LLGL2: variants seen among roughly 807,000 people sequenced by gnomAD.
LLGL2 encodes the protein LLGL scribble cell polarity complex component 2.
LLGL2 carries 81 observed loss-of-function variants against 123.2 expected under a neutral mutation model. That is an observed-to-expected ratio of 0.66 (90% confidence interval 0.55 to 0.79). LLGL2 has a LOEUF of 0.79. Among genes scored for constraint, LLGL2 ranks in the 30% least tolerant of loss-of-function variants. LLGL2 has a pLI of 0.00. For missense variants in LLGL2, 1,273 were observed against 1,414.6 expected (o/e 0.90, Z 1.61); for synonymous variants, 577 against 594.1 (o/e 0.97, Z 0.42).
At position 75,573,372 on chromosome 17, in the gene LLGL2, G is replaced by A. The variant is rs543814135; in HGVS notation, c.2725+94G>A. On this transcript the variant is annotated intron_variant, in intron 20 of 25. Transcript: ENST00000392550. ...TGTTGTGGCCACGGCCAGACTGGAT[G>A]GGCCTTAAGCGGAGAACTGCGAGGG... is the stretch of plus-strand genomic sequence containing the variant. 5.2e-5 allele frequency: 80 copies of A among 1,552,482 alleles called. No homozygotes were observed. The South Asian group carries it at 8.8e-4, about 17-fold the overall frequency.
chr17:75,542,659 G>C (rs191590797), intron 1 of LLGL2: 1 of 152,248 alleles, frequency 6.6e-6, no homozygotes, highest in Non-Finnish European at 1.5e-5. Flanking sequence ...ACTAGGGCCC[G>C]TGGGAAAGAG....
chr17:75,572,156 C>CT, intron 19 of LLGL2, 92 bp downstream of exon 19: 1 of 1,298,874 alleles, frequency 7.7e-7, no homozygotes, highest in Non-Finnish European at 1.1e-6. Context: ...GGGACTCAGT[C>CT]TTGTTTGCAG....
rs33986841 is a variant in LLGL2 at position 75,564,862 on chromosome 17, C to CA, written c.1036+372dup. 23,168 of 107,580 alleles carry CA rather than the reference C, an allele frequency of 0.22. 3,893 individuals are homozygous for CA. Among genetic ancestry groups the CA allele is most frequent in the African/African-American group, 0.47 (15,003 of 31,610 alleles). The allele number at this position is 107,580 out of a possible 1,614,324, so 6.7% of individuals were successfully genotyped here. A position where few individuals can be genotyped will look rare whatever the true frequency, so the allele number is the denominator to read the frequency against. On this transcript the variant is annotated intron_variant, in intron 10 of 25. Transcript: ENST00000392550. The surrounding 1 kb of genome is among the most constrained non-coding windows in gnomAD (Gnocchi z 4.9). ...TGGGTGACATAGCCAGACTGTGTCT[C>CA]AAAAAAAAAAAAAAAAAGGGCTCTG...
Position 75,573,468 on chromosome 17 carries a change from C to A in LLGL2, c.2726-13C>A, listed in dbSNP as rs747727520. 1 of 1,598,282 alleles carries A rather than the reference C, an allele frequency of 6.3e-7. No homozygotes were observed. Among genetic ancestry groups the A allele is most frequent in the African/African-American group, 1.3e-5 (1 of 74,746 alleles). ...CGCCAGGCCAGGCCGCTAGCATTGC[C>A]CCCACTCCCCAGGCTTCTACCTGAT... On this transcript the variant is annotated splice_polypyrimidine_tract_variant and intron_variant, in intron 20 of 25. Transcript: ENST00000392550.
intron 16 of LLGL2, 108 bp from the exon 17 acceptor site, chr17:75,570,842 T>C (rs2055673508): frequency 7.1e-7 from 1 of 1,401,744 alleles, no homozygotes; most frequent in South Asian, 1.4e-5. Context: ...GGCAGGTGGC[T>C]GGCATGGCTG....
chr17:75,569,801 CA>C (rs567857752), intron 14 of LLGL2, among the ~76,000 whole-genome samples, 161 bp from the exon 15 acceptor site: 7,988 of 130,536 alleles, frequency 0.061, 335 homozygotes, highest in African/African-American at 0.12. Context: ...AGACTTGTCT[CA>C]AAAAAAAAAA....
chr17:75,564,206 C>T lies in LLGL2; in HGVS notation c.882-147C>T. On this transcript the variant is annotated intron_variant, in intron 9 of 25. Coordinates refer to ENST00000392550, the MANE Select transcript of LLGL2 (RefSeq NM_001031803.2). This position sits in a 1 kb window ranked among gnomAD's most constrained non-coding sequence, Gnocchi z 4.9. ...TGCCCTCACCTTACCTCCAAGTCCTCCTGGGCTGTAGCAGTTGGAAGGAGA... is the reference window on the plus strand; with the variant it reads ...TGCCCTCACCTTACCTCCAAGTCCTTCTGGGCTGTAGCAGTTGGAAGGAGA... 7.0e-7 allele frequency: 1 copy of T among 1,435,754 alleles called. No homozygotes were observed. Among genetic ancestry groups the T allele is most frequent in the Non-Finnish European group, 9.2e-7 (1 of 1,090,492 alleles). The allele number at this position is 1,435,754 out of a possible 1,614,324, so 88.9% of individuals were successfully genotyped here.
intron 25 of LLGL2, 71 bp from the exon 26 acceptor site, chr17:75,574,800 G>A: frequency 6.2e-7 from 1 of 1,602,000 alleles, no homozygotes; most frequent in Non-Finnish European, 8.6e-7. Flanking sequence ...CCATGTCTGG[G>A]CTCAGCGTGG....
chr17:75,570,305 C>T, intron 15 of LLGL2, 43 bp from the exon 16 acceptor site: 1 of 1,606,330 alleles, frequency 6.2e-7, no homozygotes, highest in Non-Finnish European at 8.5e-7. Flanking sequence ...CCCGCGAGGA[C>T]TCCCAGGACC....
chr17:75,563,356 G>T lies in LLGL2; in HGVS notation c.719G>T (p.Arg240Leu). The T allele has an allele frequency of 6.2e-7, 1 of 1,612,778 alleles. No homozygotes were observed. Among genetic ancestry groups the T allele is most frequent in the Non-Finnish European group, 8.5e-7 (1 of 1,179,958 alleles). Residue 240 changes from arginine (R) to leucine (L), a missense_variant, in exon 8 of 26, where the codon CGG (arginine) becomes CTG (leucine). Arg to Leu is a moderately radical substitution (Grantham distance 102). Coordinates refer to ENST00000392550, the MANE Select transcript of LLGL2 (RefSeq NM_001031803.2). ...SQQLENIWWQRDGRLLVSCHS... is the reference protein window; with the variant it reads ...SQQLENIWWQLDGRLLVSCHS... ...CAACTGGAGAACATCTGGTGGCAGC[G>T]GGACGGCCGCCTGCTCGTCAGCTGT...
At chr17:75,529,792 C>T (rs1474359577) in intron 1 of LLGL2, among the ~76,000 whole-genome samples, 5 of 151,766 alleles carry the variant, frequency 3.3e-5, no homozygotes, top group Non-Finnish European at 4.4e-5. Flanking sequence ...ACCCAGGAGG[C>T]GGAGGTTGCA....
intron 2 of LLGL2, among the ~76,000 whole-genome samples, chr17:75,552,935 T>C (rs1213387764): frequency 2.6e-5 from 4 of 152,018 alleles, no homozygotes; most frequent in Admixed American, 1.3e-4. Context: ...TCCACCAGAG[T>C]CCTCCAAATT....
chr17:75,528,786 T>G (rs2053668221), intron 1 of LLGL2, among the ~76,000 whole-genome samples: 2 of 152,058 alleles, frequency 1.3e-5, no homozygotes, highest in South Asian at 4.2e-4. Context: ...AGGTGATCGC[T>G]GTTCATTTAA....
intron 1 of LLGL2, among the ~76,000 whole-genome samples, chr17:75,535,545 GC>G (rs1287724299): frequency 6.6e-5 from 10 of 152,262 alleles, no homozygotes; most frequent in Non-Finnish European, 1.5e-4. Context: ...CAGAGGGCTG[GC>G]TGGGCTTGGC....
In LLGL2 at chr17:75,559,263, G is replaced by T; in HGVS notation, c.383G>T (p.Ser128Ile). The change falls in exon 6 of 26, where the codon AGT becomes ATT. Residue 128 changes from serine to isoleucine, a missense_variant. Ser to Ile is a moderately radical substitution (Grantham distance 142). Transcript: ENST00000392550. The surrounding 1 kb of genome is among the most constrained non-coding windows in gnomAD (Gnocchi z 4.6). Reference sequence around the variant, plus strand: ...TGTTCTTGTCACAGGGCTGCCCCCAGTGCCACACAGATCACCGTGGTCCTG... The same window carrying T: ...TGTTCTTGTCACAGGGCTGCCCCCATTGCCACACAGATCACCGTGGTCCTG... ...TLRGPPGAAP[S>I]ATQITVVLPH... 6.2e-7 allele frequency: 1 copy of T among 1,608,064 alleles called. No homozygotes were observed. The highest frequency in any genetic ancestry group is 8.5e-7 in the Non-Finnish European group (1 of 1,177,538).
chr17:75,539,976 C>T lies in LLGL2; in HGVS notation c.-30-3421C>T, dbSNP rs1466258753. Among the ~76,000 whole-genome samples, 3 of 152,272 alleles carry T rather than the reference C, an allele frequency of 2.0e-5. No individual in the cohort carries two copies. In the South Asian group the frequency reaches 6.2e-4, roughly 32 times the overall value. On this transcript the variant is annotated intron_variant, in intron 1 of 25. Transcript: ENST00000392550. The stretch of plus-strand genomic sequence containing the variant: ...GTTGCTCCCCTGTCACTGCTGTATC[C>T]CTTTCCTAGGACAGTGTCTGCTCCA...
chr17:75,530,699 C>T (rs1178445646), intron 1 of LLGL2, among the ~76,000 whole-genome samples: 1 of 151,490 alleles, frequency 6.6e-6, no homozygotes, highest in Non-Finnish European at 1.5e-5. Flanking sequence ...ACCTGTTGTC[C>T]CAATTACATG....
At chr17:75,567,950 G>GAAA in intron 10 of LLGL2, 25 of 483,146 alleles carry the variant, frequency 5.2e-5, no homozygotes, top group Non-Finnish European at 6.6e-5. Context: ...CTCGAGAAAA[G>GAAA]AAAAAAAAAA....
chr17:75,541,910 T>C (rs2054226517), intron 1 of LLGL2, among the ~76,000 whole-genome samples: 1 of 151,782 alleles, frequency 6.6e-6, no homozygotes, highest in South Asian at 2.1e-4. Context: ...TTTGTATTTT[T>C]AGTAGAGACG....
Sources: gnomAD v4.1 joint callset for allele counts (sites outside exome capture counted in the v4.1 genomes callset) on GRCh38, gnomAD v4.1.1 for gene constraint, Gnocchi (gnomAD v3.1) non-coding constraint, MANE v1.5 for transcripts, NCBI Gene and HGNC (gene_info 2026-07-23, HGNC 2026-07-21) for gene names.